STAU1: variants seen among roughly 807,000 people sequenced by gnomAD.
STAU1 encodes the protein staufen double-stranded RNA binding protein 1, also known as double-stranded RNA-binding protein Staufen homolog 1.
STAU1 carries 13 observed loss-of-function variants against 62.9 expected under a neutral mutation model. The observed-to-expected ratio is 0.21, with a 90% confidence interval of 0.13 to 0.33. The LOEUF (loss-of-function observed/expected upper bound fraction) is 0.33, where lower values mean the gene tolerates loss of function less well. Among genes scored for constraint, STAU1 ranks in the 10% least tolerant of loss-of-function variants. STAU1 has a pLI of 1.00. For missense variants in STAU1, 571 were observed against 712.1 expected, an observed-to-expected ratio of 0.80 and a Z score of 2.25; for synonymous variants, 269 against 265.1, an observed-to-expected ratio of 1.01 and a Z score of -0.14.
chr20:49,121,357 G>T (rs543802873), intron 8 of STAU1, among the ~76,000 whole-genome samples: 1 of 151,944 alleles, frequency 6.6e-6, no homozygotes, highest in Non-Finnish European at 1.5e-5. Flanking sequence ...GCAGTGAGCC[G>T]AGATCACACC....
At chr20:49,134,900 G>A in intron 6 of STAU1, 1 of 1,590,828 alleles carries the variant, frequency 6.3e-7, no homozygotes, top group Non-Finnish European at 8.6e-7. Flanking sequence ...GCAAGAGACT[G>A]GACTGAGACT....
chr20:49,133,659 T>C (rs1270728088), intron 6 of STAU1, among the ~76,000 whole-genome samples: 1 of 152,098 alleles, frequency 6.6e-6, no homozygotes, highest in Non-Finnish European at 1.5e-5. Context: ...GGAGGGAATG[T>C]AGGGCCAGGT....
At chr20:49,175,814 T>TTTTTTTTA (rs2093653263) in intron 1 of STAU1, among the ~76,000 whole-genome samples, 1 of 144,094 alleles carries the variant, frequency 6.9e-6, no homozygotes, top group African/African-American at 2.6e-5. Context: ...TTTTTTTTTT[T>TTTTTTTTA]GAGACGGAGT....
At chr20:49,162,440 A>C (rs1449661474) in intron 3 of STAU1, among the ~76,000 whole-genome samples, 1 of 152,166 alleles carries the variant, frequency 6.6e-6, no homozygotes, top group Non-Finnish European at 1.5e-5. Context: ...GGTGGCATGG[A>C]AGATGCCACG....
At chr20:49,204,603 T>TATATATATATAC in the STAU1 span, among the ~76,000 whole-genome samples, 1 of 37,772 alleles carries the variant, frequency 2.6e-5, no homozygotes, top group Non-Finnish European at 6.9e-5. Context: ...TATATATATA[T>TATATATATATAC]ATATATATAT....
intron 1 of STAU1, among the ~76,000 whole-genome samples, chr20:49,178,909 TAAAA>T (rs11324304): frequency 8.6e-6 from 1 of 116,428 alleles, no homozygotes. Context: ...CCGTCTCCAC[TAAAA>T]AAAAAAAAAA....
At chr20:49,153,852 A>G in intron 4 of STAU1, 81 bp downstream of exon 4, 1 of 1,420,186 alleles carries the variant, frequency 7.0e-7, no homozygotes, top group Non-Finnish European at 9.3e-7. Flanking sequence ...TCCCTCCACA[A>G]TCTAGAGGTA....
intron 13 of STAU1, among the ~76,000 whole-genome samples, chr20:49,115,353 T>C (rs1018043000): frequency 6.6e-6 from 1 of 152,026 alleles, no homozygotes; most frequent in Admixed American, 6.6e-5. Context: ...CAGGCTGGAG[T>C]GCAGTGGCGC....
At chr20:49,173,344 C>G (rs918609394) in intron 2 of STAU1, among the ~76,000 whole-genome samples, 1 of 152,040 alleles carries the variant, frequency 6.6e-6, no homozygotes, top group African/African-American at 2.4e-5. Flanking sequence ...GTAATCCCAG[C>G]TACTTGGGAG....
At chr20:49,150,304 A>C (rs778499354) in intron 5 of STAU1, among the ~76,000 whole-genome samples, 1 of 152,112 alleles carries the variant, frequency 6.6e-6, no homozygotes, top group Non-Finnish European at 1.5e-5. Context: ...TTGTGAACGT[A>C]CTAAAATCCA....
intron 7 of STAU1, 27 bp from the exon 8 acceptor site, chr20:49,123,262 T>C (rs753621998): frequency 6.2e-7 from 1 of 1,614,174 alleles, no homozygotes; most frequent in Non-Finnish European, 8.5e-7. Flanking sequence ...GCAGAAACTC[T>C]GTAATGTTAT....
chr20:49,181,093 T>C (rs532140228), intron 1 of STAU1, among the ~76,000 whole-genome samples: 33 of 152,286 alleles, frequency 2.2e-4, no homozygotes, highest in Admixed American at 1.5e-3. Flanking sequence ...CCTCAGCAAT[T>C]ATTATGAGCT....
At position 49,123,176 on chromosome 20, in the gene STAU1, G is replaced by T. The variant is rs2092507897; in HGVS notation, c.882C>A (p.Ile294=). 1.2e-6 allele frequency: 2 copies of T among 1,613,782 alleles called. No homozygotes were observed. Among genetic ancestry groups the T allele is most frequent in the Non-Finnish European group, 8.5e-7 (1 of 1,179,972 alleles). The change falls in exon 8 of 14, where the codon ATC becomes ATA. Residue 294 remains isoleucine (I), a synonymous_variant. Coordinates refer to ENST00000371856, the MANE Select transcript of STAU1 (RefSeq NM_017453.4). ...GCTCCTTCTCCTTTTTTGCCTGCTG[G>T]ATCTGGGCCAGTCGGCTAATCGGAT... ...GINPISRLAQ[I]QQAKKEKEPE...
chr20:49,140,996 A>G (rs2092994273), intron 5 of STAU1, among the ~76,000 whole-genome samples: 2 of 151,952 alleles, frequency 1.3e-5, no homozygotes, highest in South Asian at 4.1e-4. Context: ...AAAAAAAAAA[A>G]AAAGGTCCAC....
intron 8 of STAU1, 105 bp from the exon 9 acceptor site, chr20:49,120,233 A>G (rs1012868433): frequency 2.2e-6 from 3 of 1,345,818 alleles, no homozygotes; most frequent in East Asian, 4.9e-5. Flanking sequence ...CAGAAGCAAG[A>G]TAACAGCAGT....
At chr20:49,127,752 T>C (rs1220194336) in intron 6 of STAU1, among the ~76,000 whole-genome samples, 1 of 151,604 alleles carries the variant, frequency 6.6e-6, no homozygotes, top group Non-Finnish European at 1.5e-5. Context: ...TGGCTCACTC[T>C]TGTAATCCCA....
chr20:49,154,158 T>A, intron 3 of STAU1, 87 bp from the exon 4 acceptor site: 2 of 1,366,916 alleles, frequency 1.5e-6, no homozygotes, highest in Non-Finnish European at 2.0e-6. Flanking sequence ...TGCTTTCTGC[T>A]AATTGGATTC....
chr20:49,174,933 C>CAAAAA (rs551431293), intron 1 of STAU1, among the ~76,000 whole-genome samples: 2 of 59,476 alleles, frequency 3.4e-5, no homozygotes, highest in Admixed American at 3.7e-4. Flanking sequence ...GACTCCGTCA[C>CAAAAA]AAAAAAAAAA....
In STAU1 at chr20:49,119,965, G is replaced by T. The variant is rs375089380; in HGVS notation, c.1113+17C>A. The stretch of plus-strand genomic sequence containing the variant: ...GGCGAGAGACCATCTTGCAATCAGA[G>T]AGCCCACAGCACTCACCTTCTCCTC... On this transcript the variant is annotated intron_variant, in intron 9 of 13. Transcript: ENST00000371856. 6.1e-5 allele frequency: 98 copies of T among 1,609,654 alleles called. No individual in the cohort carries two copies. The highest frequency in any genetic ancestry group is 7.9e-5 in the Non-Finnish European group (93 of 1,176,970).
Sources: allele counts gnomAD v4.1 joint callset (sites outside exome capture counted in the v4.1 genomes callset), GRCh38; gene constraint gnomAD v4.1.1; transcripts MANE v1.5; gene names NCBI Gene and HGNC (gene_info 2026-07-23, HGNC 2026-07-21).